The following TNFSF11 variants were observed in gnomAD, a reference collection of about 807,000 sequenced individuals.
TNFSF11 encodes the protein tumor necrosis factor ligand superfamily member 11.
A neutral mutation model predicts 32.2 loss-of-function variants in TNFSF11; 12 were observed. That is an observed-to-expected ratio of 0.37 (90% CI 0.24 to 0.60). The LOEUF is 0.60. Ranked by LOEUF, TNFSF11 falls within the 20% of genes least tolerant of loss-of-function variation. TNFSF11 has a pLI of 0.66. For synonymous variants in TNFSF11, 172 were observed against 152.1 expected (o/e 1.13, Z -0.96); for missense variants, 345 against 398.0 (o/e 0.87, Z 1.13).
upstream of TNFSF11, among the ~76,000 whole-genome samples, chr13:42,573,710 G>A (rs61761331): frequency 5.6e-4 from 86 of 152,246 alleles, no homozygotes; most frequent in East Asian, 0.016. Flanking sequence ...AAGCACTTTG[G>A]GGGGAGAGGT....
At position 42,581,230 on chromosome 13, in the gene TNFSF11, T is replaced by C. The variant is rs184047031; in HGVS notation, c.324T>C (p.Asp108=). The part of the protein sequence containing the change: ...DFQDTTLESQ[D]TKLIPDSCRR... ...AAGACACAACTCTGGAGAGTCAAGA[T>C]ACAAAATTAATACCTGATTCATGTA... The change falls in exon 2 of 5, where the codon GAT becomes GAC. Residue 108 remains aspartate, a synonymous_variant. Coordinates refer to ENST00000398795, the MANE Select transcript of TNFSF11 (RefSeq NM_003701.4). 5.6e-6 allele frequency: 9 copies of C among 1,614,052 alleles called. No individual in the cohort carries two copies. In the Admixed American group the frequency reaches 1.0e-4, roughly 18 times the overall value.
rs76480229 is a variant in TNFSF11 at position 42,576,962 on chromosome 13, A to G, written c.219+2440A>G. Among the ~76,000 whole-genome samples the G allele has an allele frequency of 5.0e-3, 769 of 152,366 alleles. 6 individuals carry two copies. Among genetic ancestry groups the G allele is most frequent in the African/African-American group, 0.018 (732 of 41,576 alleles). ...ATCTTCTTTCAAAGTCTTAGCTAAG[A>G]GAATAGTCTCCATTTGACTTGCCGC... On this transcript the variant is annotated intron_variant, in intron 1 of 4. Transcript: ENST00000398795.
At chr13:42,566,731 T>G (rs1872884585) in exon 2 of TNFSF11, 1 of 152,294 alleles carries the variant, frequency 6.6e-6, no homozygotes, top group Admixed American at 6.5e-5. Context: ...TGGTGGCTCA[T>G]GCCTGGAATC....
intron 1 of TNFSF11, among the ~76,000 whole-genome samples, chr13:42,578,310 G>T (rs180672328): frequency 6.6e-6 from 1 of 152,214 alleles, no homozygotes; most frequent in Non-Finnish European, 1.5e-5. Context: ...TGAGGGTCCA[G>T]CATCAGTCTG....
upstream of TNFSF11, among the ~76,000 whole-genome samples, chr13:42,572,533 C>A (rs559563769): frequency 6.6e-6 from 1 of 152,130 alleles, no homozygotes; most frequent in Non-Finnish European, 1.5e-5. Flanking sequence ...AAACCTACTT[C>A]CCAAAGTTAA....
chr13:42,564,079 T>A (rs1872781801), intron 1 of TNFSF11, among the ~76,000 whole-genome samples: 1 of 150,472 alleles, frequency 6.6e-6, no homozygotes, highest in East Asian at 1.9e-4. Context: ...GAATTCACTA[T>A]TTTTTTTATT....
chr13:42,592,604 T>G (rs1016495556), intron 2 of TNFSF11, among the ~76,000 whole-genome samples: 2 of 152,152 alleles, frequency 1.3e-5, no homozygotes, highest in African/African-American at 4.8e-5. Flanking sequence ...TACATAGACA[T>G]AGTTTATTAA....
upstream of TNFSF11, among the ~76,000 whole-genome samples, chr13:42,572,923 C>T (rs146789881): frequency 3.3e-3 from 497 of 152,260 alleles, 5 homozygotes; most frequent in African/African-American, 0.011. Context: ...AGACTGGTTC[C>T]AGGACACCAC....
At chr13:42,598,242 C>T (rs1256348143) in intron 2 of TNFSF11, among the ~76,000 whole-genome samples, 2 of 152,146 alleles carry the variant, frequency 1.3e-5, no homozygotes, top group African/African-American at 4.8e-5. Context: ...TCTCCCCTTC[C>T]CCATCTCTCC....
intron 1 of TNFSF11, chr13:42,566,612 A>G (rs193201744): frequency 2.2e-4 from 33 of 152,522 alleles, no homozygotes; most frequent in African/African-American, 6.7e-4. Context: ...GGACTTTAAA[A>G]TCCAACAGAT....
chr13:42,598,039 G>A (rs1435456702), intron 2 of TNFSF11, among the ~76,000 whole-genome samples: 1 of 151,922 alleles, frequency 6.6e-6, no homozygotes, highest in Non-Finnish European at 1.5e-5. Context: ...TAGAGATGAG[G>A]TCTCCTTATG....
chr13:42,569,884 A>G (rs1240651059), upstream of TNFSF11, among the ~76,000 whole-genome samples: 1 of 152,188 alleles, frequency 6.6e-6, no homozygotes, highest in African/African-American at 2.4e-5. Flanking sequence ...TAGAGATGTG[A>G]AAAAATGTAA....
chr13:42,590,971 GTC>G (rs1868439399), intron 2 of TNFSF11, among the ~76,000 whole-genome samples: 1 of 152,232 alleles, frequency 6.6e-6, no homozygotes, highest in Non-Finnish European at 1.5e-5. Context: ...GCAAAAACGA[GTC>G]TCTTCCAATT....
chr13:42,604,642 C>T (rs953179519), intron 4 of TNFSF11, among the ~76,000 whole-genome samples: 17 of 152,190 alleles, frequency 1.1e-4, no homozygotes, highest in African/African-American at 3.1e-4. Flanking sequence ...GATCATATCC[C>T]AGGCTCCCAG....
At chr13:42,584,804 C>T (rs1419712332) in intron 2 of TNFSF11, among the ~76,000 whole-genome samples, 1 of 152,200 alleles carries the variant, frequency 6.6e-6, no homozygotes, top group Non-Finnish European at 1.5e-5. Context: ...TCATCAATTT[C>T]ACATTTGCTT....
intron 2 of TNFSF11, among the ~76,000 whole-genome samples, chr13:42,596,406 G>A (rs1248815765): frequency 6.6e-6 from 1 of 152,160 alleles, no homozygotes; most frequent in Non-Finnish European, 1.5e-5. Context: ...CCTTTTCAGA[G>A]TTACTGCTTC....
chr13:42,591,377 C>T (rs951898767), intron 2 of TNFSF11, among the ~76,000 whole-genome samples: 4 of 152,022 alleles, frequency 2.6e-5, no homozygotes, highest in African/African-American at 9.7e-5. Context: ...GACCCCTTGC[C>T]CACCTCATGA....
intron 1 of TNFSF11, among the ~76,000 whole-genome samples, chr13:42,578,474 A>G (rs1873428848): frequency 6.6e-6 from 1 of 152,354 alleles, no homozygotes; most frequent in Middle Eastern, 3.4e-3. Flanking sequence ...TGAGAAAGAC[A>G]TGTGGTTGTA....
chr13:42,602,497 G>A (rs914541819), intron 4 of TNFSF11, among the ~76,000 whole-genome samples: 2 of 152,152 alleles, frequency 1.3e-5, no homozygotes, highest in East Asian at 1.9e-4. Flanking sequence ...TTTCCTGACC[G>A]AAGACACAGA....
Sources: allele counts gnomAD v4.1 joint callset (sites outside exome capture counted in the v4.1 genomes callset), GRCh38; gene constraint gnomAD v4.1.1; transcripts MANE v1.5; gene names NCBI Gene and HGNC (gene_info 2026-07-23, HGNC 2026-07-21).